NEK3: variants seen among roughly 807,000 people sequenced by gnomAD.
NEK3 encodes the protein serine/threonine-protein kinase Nek3.
A neutral mutation model predicts 66.0 loss-of-function variants in NEK3; 54 were observed. That is an observed-to-expected ratio of 0.82 (90% CI 0.66 to 1.03). NEK3 has a LOEUF of 1.03. Among genes scored for constraint, NEK3 ranks in the 50% least tolerant of loss-of-function variants. NEK3 has a pLI of 0.00. For synonymous variants in NEK3, 200 were observed against 206.2 expected (o/e 0.97, Z 0.26); for missense variants, 593 against 603.0 (o/e 0.98, Z 0.17).
At chr13:52,145,603 G>A (rs946392703) in intron 8 of NEK3, among the ~76,000 whole-genome samples, 2 of 152,148 alleles carry the variant, frequency 1.3e-5, no homozygotes, top group Non-Finnish European at 2.9e-5. Flanking sequence ...ATGAGGCACT[G>A]CACCTGGCCA....
intron 15 of NEK3, 102 bp downstream of exon 15, chr13:52,133,587 A>G: frequency 7.0e-7 from 1 of 1,423,394 alleles, no homozygotes; most frequent in African/African-American, 1.4e-5. Context: ...TCCCTACTAA[A>G]TCTGAAATTA....
chr13:52,142,271 G>A (rs1180556125), intron 10 of NEK3, among the ~76,000 whole-genome samples: 1 of 151,532 alleles, frequency 6.6e-6, no homozygotes, highest in Non-Finnish European at 1.5e-5. Context: ...AAAGGTAACT[G>A]GCTATCTCTT....
chr13:52,142,370 A>G (rs1457324181), intron 10 of NEK3, among the ~76,000 whole-genome samples: 3 of 150,496 alleles, frequency 2.0e-5, no homozygotes, highest in African/African-American at 4.9e-5. Flanking sequence ...TCCACCTCCC[A>G]GGTTCACGCC....
At chr13:52,147,722 A>G (rs1055089576) in intron 8 of NEK3, among the ~76,000 whole-genome samples, 2 of 152,222 alleles carry the variant, frequency 1.3e-5, no homozygotes, top group Non-Finnish European at 2.9e-5. Context: ...CTGTAATCCC[A>G]GCACTTTGGG....
intron 11 of NEK3, among the ~76,000 whole-genome samples, chr13:52,138,650 C>T (rs1413647494): frequency 6.6e-6 from 1 of 152,064 alleles, no homozygotes; most frequent in Non-Finnish European, 1.5e-5. Context: ...AAGGTTAGGC[C>T]AGGTGAAGTG....
chr13:52,159,850 ACTAG>A (rs1956430105), upstream of NEK3: 1 of 152,242 alleles, frequency 6.6e-6, no homozygotes, highest in Non-Finnish European at 1.5e-5. Context: ...GCTAGAACTT[ACTAG>A]CTATGTGACC....
Position 52,133,115 on chromosome 13 carries a change from C to T in NEK3, c.*27G>A, listed in dbSNP as rs772423795. ...ACTCCTGAGTGAAGCCTCTCCTCAG[C>T]GTGACTCAGGAACATTTCCTCAGGC... On this transcript the variant is annotated 3_prime_UTR_variant, in exon 16 of 16. Coordinates refer to ENST00000610828, the MANE Select transcript of NEK3 (RefSeq NM_002498.3). 8.9e-6 allele frequency: 14 copies of T among 1,572,364 alleles called. No individual in the cohort carries two copies. The highest frequency in any genetic ancestry group is 5.2e-5 in the Admixed American group (3 of 57,168).
chr13:52,148,564 A>G (rs1956313441), intron 7 of NEK3, 95 bp from the exon 8 acceptor site: 1 of 1,035,556 alleles, frequency 9.7e-7, no homozygotes, highest in Non-Finnish European at 1.5e-6. Flanking sequence ...AGATATCACA[A>G]GTAATTCCTA....
intron 11 of NEK3, 45 bp from the exon 12 acceptor site, chr13:52,136,947 C>A: frequency 4.6e-6 from 6 of 1,306,072 alleles, no homozygotes; most frequent in South Asian, 1.6e-5. Context: ...GCTTGAATTG[C>A]CACAAAAAGG....
At chr13:52,147,565 A>T (rs1216471853) in intron 8 of NEK3, among the ~76,000 whole-genome samples, 1 of 152,256 alleles carries the variant, frequency 6.6e-6, no homozygotes, top group African/African-American at 2.4e-5. Context: ...TACCTAGAAT[A>T]TGCAAATTCA....
At position 52,136,888 on chromosome 13, in the gene NEK3, T is replaced by C; in HGVS notation, c.942A>G (p.Gln314=). Residue 314 remains glutamine (Q), a synonymous_variant, in exon 12 of 16, where the codon CAA becomes CAG. Coordinates refer to ENST00000610828, the MANE Select transcript of NEK3 (RefSeq NM_002498.3). ...AATCAGTATGGCTACCCTTTCTATC[T>C]TGTTCTTCCTCTTGCTTTAAAAGAG... The part of the protein sequence containing the change: ...NEASTVQEEE[Q]DRKGSHTDLE... The C allele has an allele frequency of 6.4e-7, 1 of 1,564,206 alleles. No individual in the cohort carries two copies. Among genetic ancestry groups the C allele is most frequent in the Admixed American group, 1.9e-5 (1 of 52,484 alleles).
intron 14 of NEK3, among the ~76,000 whole-genome samples, chr13:52,135,202 T>TA (rs1185026163): frequency 2.0e-5 from 3 of 152,134 alleles, no homozygotes; most frequent in Admixed American, 1.3e-4. Context: ...AAAATATCTG[T>TA]AAAAAAATTT....
In NEK3 at chr13:52,153,877, T is replaced by C; in HGVS notation, c.309+18A>G. 2 of 1,541,000 alleles carry C rather than the reference T, an allele frequency of 1.3e-6. No individual in the cohort carries two copies. Among genetic ancestry groups the C allele is most frequent in the Non-Finnish European group, 1.8e-6 (2 of 1,114,456 alleles). On this transcript the variant is annotated intron_variant, in intron 4 of 15. Coordinates refer to ENST00000610828, the MANE Select transcript of NEK3 (RefSeq NM_002498.3). ...GGCTTCTAAACCTTGAGAGAAACTA[T>C]GTAAGTCAATCTCTTACCATGTCTT...
intron 1 of NEK3, among the ~76,000 whole-genome samples, chr13:52,158,648 T>C (rs1280493321): frequency 6.6e-6 from 1 of 152,194 alleles, no homozygotes; most frequent in African/African-American, 2.4e-5. Flanking sequence ...CATATGATCA[T>C]TACAAGACCT....
chr13:52,137,935 T>C (rs1434023559), intron 11 of NEK3, among the ~76,000 whole-genome samples: 1 of 152,254 alleles, frequency 6.6e-6, no homozygotes, highest in African/African-American at 2.4e-5. Flanking sequence ...CGAACACATA[T>C]TGCTGTGTTC....
chr13:52,144,928 G>C (rs1956282232), intron 8 of NEK3, 37 bp from the exon 9 acceptor site: 4 of 1,376,842 alleles, frequency 2.9e-6, no homozygotes, highest in East Asian at 2.4e-5. Context: ...GCAGATACAG[G>C]GGAAGAAATG....
intron 14 of NEK3, among the ~76,000 whole-genome samples, chr13:52,134,761 C>G (rs542721963): frequency 1.3e-5 from 2 of 152,310 alleles, no homozygotes; most frequent in South Asian, 2.1e-4. Context: ...ACTTCCTTAA[C>G]ATTTTCCTCC....
chr13:52,145,666 C>G (rs1221646928), intron 8 of NEK3, among the ~76,000 whole-genome samples: 1 of 152,114 alleles, frequency 6.6e-6, no homozygotes, highest in Non-Finnish European at 1.5e-5. Context: ...CCATTCCTGT[C>G]ATTAAAGCAG....
In NEK3 at chr13:52,151,357, C is replaced by T. The variant is rs1451056594; in HGVS notation, c.429G>A (p.Leu143=). 1.3e-6 allele frequency: 2 copies of T among 1,596,772 alleles called. No homozygotes were observed. The highest frequency in any genetic ancestry group is 3.5e-5 in the Admixed American group (2 of 57,240). ...GAAGACGGGCAGATCCAAAGTCTCC[C>T]AATTTCACTTTTCCATTCTGAGTGA... ...IFLTQNGKVK[L]GDFGSARLLS... Residue 143 remains leucine, a synonymous_variant, in exon 6 of 16, where the codon TTG becomes TTA. Transcript: ENST00000610828.
Sources: allele counts gnomAD v4.1 joint callset (sites outside exome capture counted in the v4.1 genomes callset), GRCh38; gene constraint gnomAD v4.1.1; transcripts MANE v1.5; gene names NCBI Gene and HGNC (gene_info 2026-07-23, HGNC 2026-07-21).